KDM1A: variants seen among roughly 807,000 people sequenced by gnomAD.
KDM1A encodes lysine-specific histone demethylase 1A.
A neutral mutation model predicts 109.4 loss-of-function variants in KDM1A; 49 were observed. That is an observed-to-expected ratio of 0.45 (90% CI 0.36 to 0.57). The LOEUF (loss-of-function observed/expected upper bound fraction) is 0.57. KDM1A is among the 20% of genes least tolerant of loss of function. The probability of loss-of-function intolerance (pLI) is 0.00; values close to 1 mark genes in which losing one functional copy is unlikely to be tolerated. For synonymous variants in KDM1A, 380 were observed against 415.4 expected, an observed-to-expected ratio of 0.91 and a Z score of 1.04; for missense variants, 668 against 1,116.6, an observed-to-expected ratio of 0.60 and a Z score of 5.73.
chr1:23,055,286 C>T, intron 6 of KDM1A, 125 bp downstream of exon 6: 1 of 352,268 alleles, frequency 2.8e-6, no homozygotes, highest in East Asian at 3.9e-5. Context: ...AAAAATATTT[C>T]CAAGTTTATC....
Position 23,083,506 on chromosome 1 carries a change from A to C in KDM1A, c.*142A>C. The C allele has an allele frequency of 1.3e-6, 1 of 763,120 alleles. No homozygotes were observed. Among genetic ancestry groups the C allele is most frequent in the Admixed American group, 3.0e-5 (1 of 33,556 alleles). 47.3% of individuals were successfully genotyped at this position (763,120 alleles called of 1,614,324 possible). A position where few individuals can be genotyped will look rare whatever the true frequency, so the allele number is the denominator to read the frequency against. On this transcript the variant is annotated 3_prime_UTR_variant, in exon 21 of 21. Transcript: ENST00000400181. ...CAGCTGATGGAGCTCCTGATTTGAC[A>C]AAGGAGCTTGCCTCCTTTGAATGAC... is the stretch of plus-strand genomic sequence containing the variant.
chr1:23,068,503 T>C (rs1299799342), intron 10 of KDM1A, 36 bp from the exon 11 acceptor site: 35 of 1,529,902 alleles, frequency 2.3e-5, no homozygotes, highest in Non-Finnish European at 3.0e-5. Flanking sequence ...TGTTTAGTTT[T>C]ATAAGGACCA....
intron 4 of KDM1A, among the ~76,000 whole-genome samples, chr1:23,052,416 G>C (rs1642700495): frequency 6.6e-6 from 1 of 152,208 alleles, no homozygotes; most frequent in South Asian, 2.1e-4. Context: ...AGTGGCCACA[G>C]AGTAGAGTAT....
intron 1 of KDM1A, among the ~76,000 whole-genome samples, chr1:23,024,953 CA>C (rs1641750410): frequency 6.6e-6 from 1 of 152,146 alleles, no homozygotes; most frequent in South Asian, 2.1e-4. Context: ...CCAGAGTGGA[CA>C]ACTGAATGTT....
chr1:23,020,588 A>G (rs936562804), intron 1 of KDM1A: 1 of 152,094 alleles, frequency 6.6e-6, no homozygotes, highest in African/African-American at 2.4e-5. Context: ...TCAAAATGCA[A>G]ATATATGGGA....
Position 23,019,538 on chromosome 1 carries a change from G to A in KDM1A, c.-59G>A. 1 of 1,338,448 alleles carries A rather than the reference G, an allele frequency of 7.5e-7. No individual in the cohort carries two copies. Among genetic ancestry groups the A allele is most frequent in the African/African-American group, 1.5e-5 (1 of 66,250 alleles). 82.9% of individuals were successfully genotyped at this position (1,338,448 alleles called of 1,614,324 possible). Reference sequence around the variant, plus strand: ...AAGCGAGGCGAGGCAAGGCTTTTCGGACCCACGGAGCGACAGAGCGAGCGG... The same window carrying A: ...AAGCGAGGCGAGGCAAGGCTTTTCGAACCCACGGAGCGACAGAGCGAGCGG... On this transcript the variant is annotated 5_prime_UTR_variant, in exon 1 of 21. Coordinates refer to ENST00000400181, the MANE Select transcript of KDM1A (RefSeq NM_001009999.3).
intron 18 of KDM1A, chr1:23,081,197 G>A: frequency 2.3e-6 from 1 of 441,016 alleles, no homozygotes. Flanking sequence ...TATTTTGCCA[G>A]GTTAGAAGCA....
intron 16 of KDM1A, among the ~76,000 whole-genome samples, chr1:23,077,593 G>C (rs904480884): frequency 6.6e-6 from 1 of 152,188 alleles, no homozygotes; most frequent in Non-Finnish European, 1.5e-5. Context: ...GCATGAGCTA[G>C]TTGGATATTA....
chr1:23,042,440 ATTTTTTTTT>A (rs769149894), intron 2 of KDM1A, among the ~76,000 whole-genome samples: 2 of 21,560 alleles, frequency 9.3e-5, no homozygotes, highest in African/African-American at 1.6e-4. Context: ...GAAATATATT[ATTTTTTTTT>A]TTTTTTTTTT....
intron 2 of KDM1A, among the ~76,000 whole-genome samples, chr1:23,038,858 C>G (rs1399511463): frequency 6.6e-6 from 1 of 152,190 alleles, no homozygotes; most frequent in Non-Finnish European, 1.5e-5. Flanking sequence ...TTACATGATA[C>G]TGTAACCCAG....
chr1:23,055,863 T>C, intron 6 of KDM1A, 69 bp from the exon 7 acceptor site: 1 of 966,428 alleles, frequency 1.0e-6, no homozygotes, highest in Non-Finnish European at 1.6e-6. Context: ...GAGGTTTTCA[T>C]GAAATAAGAC....
intron 15 of KDM1A, among the ~76,000 whole-genome samples, chr1:23,076,629 C>T (rs1643472292): frequency 6.6e-6 from 1 of 152,062 alleles, no homozygotes; most frequent in African/African-American, 2.4e-5. Flanking sequence ...CCTACCCTAA[C>T]CACCATAGAA....
rs548132018 is a variant in KDM1A, at chr1:23,055,916, C to T, written c.884-16C>T. The T allele has an allele frequency of 6.0e-5, 92 of 1,544,358 alleles. No homozygotes were observed. In the South Asian group the frequency reaches 8.9e-4, roughly 15 times the overall value. ...ATACCTAAAACAAAATCTTTTTTTTCATTTTTTGCTTTTAGCTAAAAAGAC... is the reference window on the plus strand; with the variant it reads ...ATACCTAAAACAAAATCTTTTTTTTTATTTTTTGCTTTTAGCTAAAAAGAC... On this transcript the variant is annotated splice_polypyrimidine_tract_variant and intron_variant, in intron 6 of 20. Coordinates refer to ENST00000400181, the MANE Select transcript of KDM1A (RefSeq NM_001009999.3).
intron 3 of KDM1A, among the ~76,000 whole-genome samples, chr1:23,049,303 G>C (rs1642593734): frequency 6.6e-6 from 1 of 151,764 alleles, no homozygotes; most frequent in Non-Finnish European, 1.5e-5. Context: ...ACATCTATAA[G>C]GTGATTTTAG....
chr1:23,066,520 T>G (rs1167699399), intron 10 of KDM1A, among the ~76,000 whole-genome samples: 1 of 152,214 alleles, frequency 6.6e-6, no homozygotes, highest in Non-Finnish European at 1.5e-5. Flanking sequence ...AAGCAAGCCA[T>G]CCAGTTGACA....
At position 23,073,367 on chromosome 1, in the gene KDM1A, A is replaced by G; in HGVS notation, c.1698A>G (p.Thr566=). Residue 566 remains threonine, a synonymous_variant, in exon 15 of 21, where the codon ACA becomes ACG. Transcript: ENST00000400181. ...HFANLEFANA[T]PLSTLSLKHW... ...CAAATCTTGAATTTGCTAATGCCAC[A>G]CCTCTCTCAACTCTCTCCCTTAAGC... 6.2e-7 allele frequency: 1 copy of G among 1,611,028 alleles called. No individual in the cohort carries two copies. Among genetic ancestry groups the G allele is most frequent in the Non-Finnish European group, 8.5e-7 (1 of 1,177,366 alleles).
intron 14 of KDM1A, among the ~76,000 whole-genome samples, chr1:23,072,702 A>G (rs914626790): frequency 2.6e-5 from 4 of 152,072 alleles, no homozygotes; most frequent in African/African-American, 4.8e-5. Context: ...CTGGAGTGCA[A>G]TGATGTGATC....
rs1026738558 is a variant in KDM1A at position 23,041,539 on chromosome 1, T to G, written c.518-2888T>G. Among the ~76,000 whole-genome samples, 13 of 145,304 alleles carry G rather than the reference T, an allele frequency of 8.9e-5. 1 individual carries two copies. The highest frequency in any genetic ancestry group is 1.9e-4 in the Non-Finnish European group (13 of 67,114). On this transcript the variant is annotated intron_variant, in intron 2 of 20. Coordinates refer to ENST00000400181, the MANE Select transcript of KDM1A (RefSeq NM_001009999.3). ...CTCACTGCAACCTCCACCTCCCGAGTTCAAGCGATTCTCCTGCCTCAGCCT... is the reference window on the plus strand; with the variant it reads ...CTCACTGCAACCTCCACCTCCCGAGGTCAAGCGATTCTCCTGCCTCAGCCT...
At position 23,020,031 on chromosome 1, in the gene KDM1A, G is replaced by C. The variant is rs1049580303; in HGVS notation, c.351+84G>C. ...CTCCGCCCTCCCCCGCCGCCGCCGG[G>C]TCTTGGGCCCTGCGACCACTCAGAC... On this transcript the variant is annotated intron_variant, in intron 1 of 20. Transcript: ENST00000400181. 2.2e-6 allele frequency: 3 copies of C among 1,355,440 alleles called. No individual in the cohort carries two copies. The African/African-American group carries it at 4.6e-5, about 21-fold the overall frequency. The allele number at this position is 1,355,440 out of a possible 1,614,324, so 84.0% of individuals were successfully genotyped here.
Sources: gnomAD v4.1 joint callset for allele counts (sites outside exome capture counted in the v4.1 genomes callset) on GRCh38, gnomAD v4.1.1 for gene constraint, MANE v1.5 for transcripts, NCBI Gene and HGNC (gene_info 2026-07-23, HGNC 2026-07-21) for gene names.